The following PREX1 variants were observed in gnomAD, a reference collection of about 807,000 sequenced individuals.
PREX1 encodes phosphatidylinositol-3,4,5-trisphosphate dependent Rac exchange factor 1.
Under a neutral mutation model 198.3 loss-of-function variants are expected in PREX1, and 41 were observed. That is an observed-to-expected ratio of 0.21 (90% CI 0.16 to 0.27). PREX1 has a LOEUF of 0.27. PREX1 is among the 10% of genes least tolerant of loss of function. PREX1 has a pLI of 1.00. For missense variants in PREX1, 1,620 were observed against 2,200.7 expected (o/e 0.74, Z 5.28); for synonymous variants, 843 against 887.2 (o/e 0.95, Z 0.89).
intron 1 of PREX1, among the ~76,000 whole-genome samples, chr20:48,795,248 C>G (rs909103829): frequency 6.6e-6 from 1 of 152,066 alleles, no homozygotes; most frequent in Admixed American, 6.6e-5. Flanking sequence ...CTGTGTGACC[C>G]AAGACAAATG....
chr20:48,804,725 C>A (rs73122606), intron 1 of PREX1, among the ~76,000 whole-genome samples: 18 of 152,150 alleles, frequency 1.2e-4, no homozygotes, highest in African/African-American at 4.3e-4. Context: ...GTGGCTGAGA[C>A]CCGGGGCTAC....
chr20:48,632,691 G>A (rs1331488348), intron 33 of PREX1, 52 bp from the exon 34 acceptor site: 30 of 1,598,930 alleles, frequency 1.9e-5, no homozygotes, highest in African/African-American at 5.4e-5. Context: ...AAGGCCAGGG[G>A]AAGCCCTGGC....
chr20:48,630,820 C>G lies in PREX1; in HGVS notation c.4527-26G>C, dbSNP rs373933440. 66 of 1,517,438 alleles carry G rather than the reference C, an allele frequency of 4.3e-5. 1 individual carries two copies. The highest frequency in any genetic ancestry group is 5.5e-5 in the Non-Finnish European group (60 of 1,093,556). The allele number at this position is 1,517,438 out of a possible 1,614,324, so 94.0% of individuals were successfully genotyped here. On this transcript the variant is annotated intron_variant, in intron 35 of 39. Coordinates refer to ENST00000371941, the MANE Select transcript of PREX1 (RefSeq NM_020820.4). ...CTGCGAGAGAAAGATGGGAATGAGGCGGGGGCCACCACACCCACCATCCTC... is the reference window on the plus strand; with the variant it reads ...CTGCGAGAGAAAGATGGGAATGAGGGGGGGGCCACCACACCCACCATCCTC...
In PREX1 at chr20:48,676,285, C is replaced by G. The variant is rs6125428; in HGVS notation, c.1590-17G>C. ...TCACGGTCTCTGTGGAGAAGGTGAG[C>G]GCACAGTGAGCAGGGCAGGGCGGGG... On this transcript the variant is annotated splice_polypyrimidine_tract_variant and intron_variant, in intron 13 of 39. Coordinates refer to ENST00000371941, the MANE Select transcript of PREX1 (RefSeq NM_020820.4). 0.075 allele frequency: 121,595 copies of G among 1,610,874 alleles called. 5,265 individuals carry two copies. Among genetic ancestry groups the G allele is most frequent in the East Asian group, 0.15 (6,814 of 44,818 alleles).
the PREX1 span, among the ~76,000 whole-genome samples, chr20:48,885,888 A>G: frequency 1.3e-5 from 2 of 152,182 alleles, no homozygotes; most frequent in Non-Finnish European, 2.9e-5. Flanking sequence ...AAAGATTAGT[A>G]GTTGCCAGGG....
intron 35 of PREX1, among the ~76,000 whole-genome samples, chr20:48,631,208 T>A (rs1765853101): frequency 6.6e-6 from 1 of 152,226 alleles, no homozygotes; most frequent in South Asian, 2.1e-4. Context: ...GTAAACATTT[T>A]ATGCTTTGTG....
At chr20:48,634,528 G>T in intron 33 of PREX1, 148 bp downstream of exon 33, 1 of 627,038 alleles carries the variant, frequency 1.6e-6, no homozygotes, top group Non-Finnish European at 2.7e-6. Context: ...CACTCATGTT[G>T]GAGGCATGAG....
chr20:48,875,293 G>T, the PREX1 span, among the ~76,000 whole-genome samples: 2 of 152,190 alleles, frequency 1.3e-5, no homozygotes, highest in African/African-American at 4.8e-5. Flanking sequence ...CAGAGGGAAC[G>T]GCGGGTGCGA....
In PREX1 at chr20:48,827,778, G is replaced by A. The variant is rs1373309544; in HGVS notation, c.83C>T (p.Ala28Val). 8.7e-7 allele frequency: 1 copy of A among 1,150,424 alleles called. No individual in the cohort carries two copies. The highest frequency in any genetic ancestry group is 1.1e-6 in the Non-Finnish European group (1 of 928,426). The allele number at this position is 1,150,424 out of a possible 1,614,324, so 71.3% of individuals were successfully genotyped here. Reference protein sequence around the residue: ...AHPDPRAPGAAAPSSGPGPCA... With the variant: ...AHPDPRAPGAVAPSSGPGPCA... ...CGGGCCGGGGCCGGAGCTGGGCGCC[G>A]CGGCGCCAGGGGCCCGGGGGTCCGG... Residue 28 changes from alanine (A) to valine (V), a missense_variant, in exon 1 of 40, where the codon GCG becomes GTG. Physicochemically the swap from Ala to Val is moderately conservative, Grantham distance 64. Around this residue, in one of 7 missense-constraint regions of PREX1, gnomAD observed 96 missense variants for 98.7 expected, o/e 0.97. Coordinates refer to ENST00000371941, the MANE Select transcript of PREX1 (RefSeq NM_020820.4). This position sits in a 1 kb window ranked among gnomAD's most constrained non-coding sequence, Gnocchi z 4.1.
At chr20:48,699,881 C>T (rs535718344) in intron 7 of PREX1, among the ~76,000 whole-genome samples, 7 of 152,288 alleles carry the variant, frequency 4.6e-5, no homozygotes, top group African/African-American at 1.7e-4. Flanking sequence ...CCAGCCATCT[C>T]CTAAACCTCC....
intron 16 of PREX1, 53 bp from the exon 17 acceptor site, chr20:48,658,281 C>T: frequency 1.3e-6 from 2 of 1,576,744 alleles, no homozygotes; most frequent in Non-Finnish European, 1.7e-6. Flanking sequence ...GGGCCTACGG[C>T]CAGCCCCACC....
intron 4 of PREX1, among the ~76,000 whole-genome samples, chr20:48,731,820 G>T (rs1397532170): frequency 6.6e-6 from 1 of 152,246 alleles, no homozygotes; most frequent in Non-Finnish European, 1.5e-5. Context: ...GAATAGGGCA[G>T]TTTGACCCAC....
chr20:48,640,710 G>C lies in PREX1; in HGVS notation c.3776-816C>G, dbSNP rs144573015. 2.7e-3 allele frequency among the ~76,000 whole-genome samples: 406 copies of C among 152,272 alleles called. 4 individuals are homozygous for C. The highest frequency in any genetic ancestry group is 9.5e-3 in the African/African-American group (393 of 41,546). ...CCAGTACAAGGCCTGGCACAAGCTG[G>C]TTCTGGGAAATTATTTACTGGATGT... On this transcript the variant is annotated intron_variant, in intron 29 of 39. Coordinates refer to ENST00000371941, the MANE Select transcript of PREX1 (RefSeq NM_020820.4).
At position 48,744,290 on chromosome 20, in the gene PREX1, C is replaced by T. The variant is rs543203421; in HGVS notation, c.414+735G>A. Among the ~76,000 whole-genome samples, 92 of 152,132 alleles carry T rather than the reference C, an allele frequency of 6.0e-4. 1 individual carries two copies. The highest frequency in any genetic ancestry group is 1.3e-3 in the Admixed American group (20 of 15,268). On this transcript the variant is annotated intron_variant, in intron 3 of 39. Transcript: ENST00000371941. ...GAAGCTCTGCTCTAGACTCTCTACC[C>T]GATTGCTTTACCTCTGAGTCTGGCC...
chr20:48,727,080 TATGAGGTCAAATATAAAGAC>T (rs1230132324), intron 4 of PREX1, among the ~76,000 whole-genome samples: 5 of 152,174 alleles, frequency 3.3e-5, no homozygotes, highest in Admixed American at 2.0e-4. Flanking sequence ...GGAGAGCATG[TATGAGGTCAAATATAAAGAC>T]ATGCGTGTTA....
At chr20:48,710,009 C>T (rs538674747) in intron 5 of PREX1, among the ~76,000 whole-genome samples, 1 of 152,334 alleles carries the variant, frequency 6.6e-6, no homozygotes, top group East Asian at 1.9e-4. Context: ...GAGCTCTTGC[C>T]ACGCACCCAG....
chr20:48,827,463 G>A lies in PREX1; in HGVS notation c.219+179C>T, dbSNP rs1190874850. 6.6e-6 allele frequency among the ~76,000 whole-genome samples: 1 copy of A among 152,192 alleles called. No homozygotes were observed. The highest frequency in any genetic ancestry group is 1.9e-4 in the East Asian group (1 of 5,184). On this transcript the variant is annotated intron_variant, in intron 1 of 39. Coordinates refer to ENST00000371941, the MANE Select transcript of PREX1 (RefSeq NM_020820.4). The surrounding 1 kb of genome is among the most constrained non-coding windows in gnomAD (Gnocchi z 4.1). ...CGGAGCAGGACCGTGCGCCGGCCAG[G>A]GAGGGAGGCGACGCGACAGCTCTGG...
chr20:48,836,902 C>CAA, the PREX1 span, among the ~76,000 whole-genome samples: 558 of 55,918 alleles, frequency 1.0e-2, 1 homozygote, highest in East Asian at 0.013. Context: ...ACTCTGTCTC[C>CAA]AAAAAAAAAA....
intron 2 of PREX1, 36 bp from the exon 3 acceptor site, chr20:48,745,183 G>C (rs372968956): frequency 3.2e-6 from 5 of 1,581,372 alleles, no homozygotes; most frequent in Non-Finnish European, 4.3e-6. Flanking sequence ...ACAGCGTTAA[G>C]GCTCAGAGGG....
Sources: gnomAD v4.1 joint callset for allele counts (sites outside exome capture counted in the v4.1 genomes callset) on GRCh38, gnomAD v4.1.1 for gene constraint, gnomAD v4.1.1 regional missense constraint, Gnocchi (gnomAD v3.1) non-coding constraint, MANE v1.5 for transcripts, NCBI Gene and HGNC (gene_info 2026-07-23, HGNC 2026-07-21) for gene names.